The following ANTXRL variants were observed in gnomAD, a reference collection of about 807,000 sequenced individuals.
ANTXRL encodes the protein ANTXR like, also known as anthrax toxin receptor-like.
In ANTXRL, 63 loss-of-function variants were observed where a neutral mutation model predicts 75.4. The ratio of observed to expected loss-of-function variants is 0.84; its 90% confidence interval spans 0.68 to 1.03. The LOEUF is 1.03. Among genes scored for constraint, ANTXRL ranks in the 50% least tolerant of loss-of-function variants. The pLI is 0.00. For missense variants in ANTXRL, 797 were observed against 789.4 expected, an observed-to-expected ratio of 1.01 and a Z score of -0.12; for synonymous variants, 335 against 291.3, an observed-to-expected ratio of 1.15 and a Z score of -1.53.
intron 16 of ANTXRL, among the ~76,000 whole-genome samples, chr10:46,315,178 A>T (rs368971986): frequency 6.6e-6 from 1 of 152,308 alleles, no homozygotes; most frequent in East Asian, 1.9e-4. Context: ...CTGTAAGCCT[A>T]GTCATGAGTG....
intron 16 of ANTXRL, among the ~76,000 whole-genome samples, chr10:46,315,939 T>C (rs1838701935): frequency 6.6e-6 from 1 of 152,126 alleles, no homozygotes; most frequent in African/African-American, 2.4e-5. Context: ...GTTCCCTGAA[T>C]AAATTTTTTG....
chr10:46,329,588 C>T lies in ANTXRL; in HGVS notation c.1411-11C>T. 1 of 1,533,024 alleles carries T rather than the reference C, an allele frequency of 6.5e-7. No homozygotes were observed. The highest frequency in any genetic ancestry group is 8.7e-7 in the Non-Finnish European group (1 of 1,144,366). The allele number at this position is 1,533,024 out of a possible 1,614,324, so 95.0% of individuals were successfully genotyped here. Reference sequence around the variant, plus strand: ...ATCACGGTGACCTTCTCTCTCTTCTCTTCCCTACAGGGGAGGTACCTCAGC... The same window carrying T: ...ATCACGGTGACCTTCTCTCTCTTCTTTTCCCTACAGGGGAGGTACCTCAGC... On this transcript the variant is annotated splice_polypyrimidine_tract_variant and intron_variant, in intron 16 of 16. Transcript: ENST00000620264.
chr10:46,327,718 C>G (rs1182505144), intron 16 of ANTXRL, among the ~76,000 whole-genome samples: 1 of 152,138 alleles, frequency 6.6e-6, no homozygotes, highest in African/African-American at 2.4e-5. Context: ...TTCAAGCAAG[C>G]TCAAAGTCTG....
At chr10:46,308,669 G>GTGGAGGCT in intron 12 of ANTXRL, 1 of 347,818 alleles carries the variant, frequency 2.9e-6, no homozygotes, top group Non-Finnish European at 5.7e-6. Flanking sequence ...TTGCACAGGT[G>GTGGAGGCT]TGGAGGCTGA....
At chr10:46,306,217 T>C (rs1184868016) in intron 10 of ANTXRL, among the ~76,000 whole-genome samples, 4 of 152,224 alleles carry the variant, frequency 2.6e-5, no homozygotes, top group Non-Finnish European at 4.4e-5. Flanking sequence ...TCTTCAGAGA[T>C]AATTTATCAT....
chr10:46,313,269 G>T lies in ANTXRL; in HGVS notation c.1363G>T (p.Ala455Ser), dbSNP rs192798365. The stretch of plus-strand genomic sequence containing the variant: ...GGATACCTTTTGTGACCTCTCTCAC[G>T]CAAGCTGCCACCAGGTGCCATGGAT... ...NLDTFCDLSH[A>S]SCHQVPWMCC... The change falls in exon 16 of 17, where the codon GCA becomes TCA. Residue 455 changes from alanine (A) to serine (S), a missense_variant. Around this residue, in one of 3 missense-constraint regions of ANTXRL, gnomAD observed 479 missense variants for 422.0 expected, o/e 1.14. Coordinates refer to ENST00000620264, the MANE Select transcript of ANTXRL (RefSeq NM_001278688.3). The T allele has an allele frequency of 3.3e-6, 5 of 1,535,616 alleles. No individual in the cohort carries two copies. Among genetic ancestry groups the T allele is most frequent in the Non-Finnish European group, 4.4e-6 (5 of 1,146,482 alleles).
intron 9 of ANTXRL, among the ~76,000 whole-genome samples, chr10:46,301,340 T>C (rs1588820509): frequency 6.6e-6 from 1 of 152,204 alleles, no homozygotes; most frequent in Non-Finnish European, 1.5e-5. Flanking sequence ...GTCTAGTTGC[T>C]CAGAACAGGG....
intron 9 of ANTXRL, among the ~76,000 whole-genome samples, chr10:46,301,994 AG>A (rs781793143): frequency 5.7e-4 from 87 of 152,268 alleles, no homozygotes; most frequent in Non-Finnish European, 1.1e-3. Flanking sequence ...TCAGGGCAGG[AG>A]CTACAGTGGT....
chr10:46,299,027 T>C (rs1588810800), intron 9 of ANTXRL, among the ~76,000 whole-genome samples: 1 of 151,848 alleles, frequency 6.6e-6, no homozygotes, highest in Non-Finnish European at 1.5e-5. Context: ...AGAAAAGACA[T>C]GTGTGAGAAG....
chr10:46,307,491 G>A lies in ANTXRL; in HGVS notation c.1044+11G>A. 1.3e-6 allele frequency: 2 copies of A among 1,533,566 alleles called. No individual in the cohort carries two copies. The highest frequency in any genetic ancestry group is 2.4e-5 in the East Asian group (1 of 40,914). 95.0% of individuals were successfully genotyped at this position (1,533,566 alleles called of 1,614,324 possible). ...ACCAGCACCACATGTGTGAGTACCA[G>A]CATGGGGCTGCAAACATGTATGAGG... On this transcript the variant is annotated intron_variant, in intron 12 of 16. Coordinates refer to ENST00000620264, the MANE Select transcript of ANTXRL (RefSeq NM_001278688.3).
At chr10:46,294,035 A>T (rs1270000553) in intron 3 of ANTXRL, 135 bp downstream of exon 3, 2 of 747,460 alleles carry the variant, frequency 2.7e-6, no homozygotes, top group Admixed American at 2.8e-5. Flanking sequence ...GGCAACTCAC[A>T]GTACCCACCT....
intron 2 of ANTXRL, among the ~76,000 whole-genome samples, chr10:46,293,322 G>A (rs1371702972): frequency 2.8e-5 from 4 of 143,296 alleles, no homozygotes; most frequent in Non-Finnish European, 6.3e-5. Context: ...GTGTGTGCCT[G>A]TGTGTGAGTG....
At chr10:46,312,747 G>C (rs564851962) in intron 15 of ANTXRL, among the ~76,000 whole-genome samples, 1 of 149,170 alleles carries the variant, frequency 6.7e-6, no homozygotes, top group African/African-American at 2.5e-5. Flanking sequence ...GCCCGCCGTG[G>C]GTCCTGGGCT....
intron 16 of ANTXRL, among the ~76,000 whole-genome samples, chr10:46,327,276 G>A (rs1421296442): frequency 6.6e-6 from 1 of 152,148 alleles, no homozygotes; most frequent in Non-Finnish European, 1.5e-5. Flanking sequence ...TGGGTGGAGG[G>A]ACTGGATCCT....
Position 46,329,769 on chromosome 10 carries a change from C to T in ANTXRL, c.1581C>T (p.Arg527=), listed in dbSNP as rs1250513460. The stretch of plus-strand genomic sequence containing the variant: ...AGTGCCTCGCCCTCAAACAGGCTCG[C>T]TGCAGCCCAAACATCTGCCTGAGAC... The part of the protein sequence containing the change: ...SRECLALKQA[R]CSPNICLRHS... Residue 527 remains arginine, a synonymous_variant, in exon 17 of 17, where the codon CGC becomes CGT. Coordinates refer to ENST00000620264, the MANE Select transcript of ANTXRL (RefSeq NM_001278688.3). 2.6e-6 allele frequency: 4 copies of T among 1,534,334 alleles called. No individual in the cohort carries two copies. The Admixed American group carries it at 5.9e-5, about 23-fold the overall frequency.
At chr10:46,293,760 A>G (rs1433473598) in intron 2 of ANTXRL, 69 bp from the exon 3 acceptor site, 28 of 1,298,208 alleles carry the variant, frequency 2.2e-5, no homozygotes, top group Non-Finnish European at 2.8e-5. Flanking sequence ...GAGGTGGGGA[A>G]TTGGCCTCAC....
At chr10:46,298,610 G>A (rs2132702798) in intron 9 of ANTXRL, among the ~76,000 whole-genome samples, 1 of 151,714 alleles carries the variant, frequency 6.6e-6, no homozygotes, top group Admixed American at 6.6e-5. Flanking sequence ...TGTGTGGAAG[G>A]CTGCTGGTGT....
At chr10:46,308,863 T>C (rs1838257464) in intron 12 of ANTXRL, among the ~76,000 whole-genome samples, 1 of 152,044 alleles carries the variant, frequency 6.6e-6, no homozygotes, top group Non-Finnish European at 1.5e-5. Context: ...AGGTGTGCAG[T>C]GAGGGTGGGA....
At chr10:46,316,840 T>A (rs1175857290) in intron 16 of ANTXRL, among the ~76,000 whole-genome samples, 1 of 152,182 alleles carries the variant, frequency 6.6e-6, no homozygotes. Context: ...GTTTGCATGT[T>A]GTTGCTATGG....
Sources: gnomAD v4.1 joint callset for allele counts (sites outside exome capture counted in the v4.1 genomes callset) on GRCh38, gnomAD v4.1.1 for gene constraint, gnomAD v4.1.1 regional missense constraint, MANE v1.5 for transcripts, NCBI Gene and HGNC (gene_info 2026-07-23, HGNC 2026-07-21) for gene names.